Variants in GULP1 observed in about 807,000 individuals in gnomAD.
GULP1 encodes GULP PTB domain containing engulfment adaptor 1, also known as PTB domain-containing engulfment adapter protein 1.
GULP1 carries 19 observed loss-of-function variants against 40.9 expected under a neutral mutation model. The ratio of observed to expected loss-of-function variants is 0.46; its 90% CI spans 0.32 to 0.68. GULP1 has a LOEUF of 0.68. Ranked by LOEUF, GULP1 falls within the 30% of genes least tolerant of loss-of-function variation. The pLI, the probability that GULP1 is intolerant of heterozygous loss-of-function variation, is 0.03. For synonymous variants in GULP1, 119 were observed against 117.6 expected (o/e 1.01, Z -0.08); for missense variants, 312 against 362.2 (o/e 0.86, Z 1.12).
At chr2:188,357,915 A>T (rs1376311326) in intron 1 of GULP1, among the ~76,000 whole-genome samples, 4 of 152,226 alleles carry the variant, frequency 2.6e-5, no homozygotes, top group Non-Finnish European at 5.9e-5. Flanking sequence ...ACAGTGGCTC[A>T]CACCTGTAAT....
chr2:188,315,269 A>G lies in GULP1; in HGVS notation c.-172+23103A>G, dbSNP rs2038890441. ...ACTTTTATTACAGTATGTTGTTGTA[A>G]TTGTTCTTTTATATTAGTTATTGTT... is the stretch of plus-strand genomic sequence containing the variant. On this transcript the variant is annotated intron_variant, in intron 1 of 11. Coordinates refer to ENST00000409830, the MANE Select transcript of GULP1 (RefSeq NM_016315.4). Among the ~76,000 whole-genome samples the G allele has an allele frequency of 3.9e-5, 6 of 152,218 alleles. 1 individual carries two copies. In the South Asian group the frequency reaches 1.0e-3, roughly 26 times the overall value.
intron 4 of GULP1, chr2:188,491,711 A>G (rs2062407610): frequency 6.6e-6 from 1 of 152,114 alleles, no homozygotes; most frequent in Non-Finnish European, 1.5e-5. Context: ...AAGACAAACT[A>G]AGATTTCTAT....
chr2:188,367,921 G>T (rs1416318087), intron 1 of GULP1, among the ~76,000 whole-genome samples: 1 of 152,144 alleles, frequency 6.6e-6, no homozygotes, highest in Non-Finnish European at 1.5e-5. Flanking sequence ...GGAAAATAAG[G>T]ACATGGTGAT....
intron 4 of GULP1, among the ~76,000 whole-genome samples, chr2:188,514,040 A>AGTGAGTGTGT (rs1553577816): frequency 8.1e-6 from 1 of 123,074 alleles, no homozygotes; most frequent in Admixed American, 8.8e-5. Context: ...TCCCCTTCTG[A>AGTGAGTGTGT]GTGTGTGTGT....
chr2:188,368,409 C>T (rs2047094270), intron 1 of GULP1, among the ~76,000 whole-genome samples: 1 of 151,868 alleles, frequency 6.6e-6, no homozygotes, highest in Non-Finnish European at 1.5e-5. Context: ...GGTGAAACCT[C>T]ATCTCTACTA....
rs375306081 is a variant in GULP1 at position 188,546,542 on chromosome 2, A to G, written c.399+5224A>G. On this transcript the variant is annotated intron_variant, in intron 7 of 11. Transcript: ENST00000409830. ...TAAAAATGAAGTAGAGCGTATCAAC[A>G]TTTGTGTGATATAACTAAAGCAGTG... is the stretch of plus-strand genomic sequence containing the variant. Among the ~76,000 whole-genome samples the G allele has an allele frequency of 2.0e-5, 3 of 152,170 alleles. No individual in the cohort carries two copies. In the South Asian group the frequency reaches 6.2e-4, roughly 32 times the overall value.
rs1429612206 is a variant in GULP1, at chr2:188,541,227, A to G, written c.308A>G (p.Asp103Gly). 1.2e-6 allele frequency: 2 copies of G among 1,611,062 alleles called. No individual in the cohort carries two copies. Among genetic ancestry groups the G allele is most frequent in the Non-Finnish European group, 8.5e-7 (1 of 1,177,356 alleles). ...CTTCATAGAATATCTTTTTGTGCAGATGATAAAACTGACAAGAGGATATTC... is the reference window on the plus strand; with the variant it reads ...CTTCATAGAATATCTTTTTGTGCAGGTGATAAAACTGACAAGAGGATATTC... Reference protein sequence around the residue: ...CQLHRISFCADDKTDKRIFTF... With the variant: ...CQLHRISFCAGDKTDKRIFTF... The change falls in exon 7 of 12, where the codon GAT becomes GGT. Residue 103 changes from aspartate to glycine, a missense_variant. Coordinates refer to ENST00000409830, the MANE Select transcript of GULP1 (RefSeq NM_016315.4).
At chr2:188,522,703 G>A (rs377316780) in intron 4 of GULP1, 53 bp from the exon 5 acceptor site, 3 of 1,032,892 alleles carry the variant, frequency 2.9e-6, no homozygotes, top group Non-Finnish European at 3.1e-6. Context: ...TCAACATGAT[G>A]CAATGATATA....
rs565127034 is a variant in GULP1 at position 188,411,366 on chromosome 2, G to A, written c.-45+27477G>A. On this transcript the variant is annotated intron_variant, in intron 2 of 11. Coordinates refer to ENST00000409830, the MANE Select transcript of GULP1 (RefSeq NM_016315.4). ...TGTTGGTCTCTGCTGCTGACAAATTGGGCACTCAGTGGTGGCCATAGCCAG... is the reference window on the plus strand; with the variant it reads ...TGTTGGTCTCTGCTGCTGACAAATTAGGCACTCAGTGGTGGCCATAGCCAG... 3.3e-5 allele frequency among the ~76,000 whole-genome samples: 5 copies of A among 152,222 alleles called. No individual in the cohort carries two copies. In the South Asian group the frequency reaches 1.0e-3, roughly 32 times the overall value.
intron 1 of GULP1, among the ~76,000 whole-genome samples, chr2:188,360,583 T>C (rs1242393756): frequency 6.6e-6 from 1 of 152,120 alleles, no homozygotes; most frequent in Non-Finnish European, 1.5e-5. Context: ...TAATTGTCAA[T>C]GTTGACTAAG....
At chr2:188,548,827 G>GGTTTT (rs146982832) in intron 7 of GULP1, among the ~76,000 whole-genome samples, 123,151 of 149,424 alleles carry the variant, frequency 0.82, 51,352 homozygotes, top group South Asian at 0.95. Flanking sequence ...GGGGAAAGAA[G>GGTTTT]GTTTTGTTTT....
chr2:188,589,802 C>T, intron 11 of GULP1: 1 of 966,594 alleles, frequency 1.0e-6, no homozygotes, highest in Non-Finnish European at 1.5e-6. Flanking sequence ...ATTTTTAAAG[C>T]TGAAACCTTA....
At position 188,366,627 on chromosome 2, in the gene GULP1, C is replaced by A. The variant is rs376055375; in HGVS notation, c.-171-17136C>A. On this transcript the variant is annotated intron_variant, in intron 1 of 11. Coordinates refer to ENST00000409830, the MANE Select transcript of GULP1 (RefSeq NM_016315.4). ...TTTTTTTTTGAGATGGAGTCTCGCT[C>A]TGTTGCCCAGGCTGGAGTGCAGTGG... Among the ~76,000 whole-genome samples, 11 of 121,930 alleles carry A rather than the reference C, an allele frequency of 9.0e-5. No homozygotes were observed. In the East Asian group the frequency reaches 1.8e-3, roughly 20 times the overall value. 80.0% of individuals were successfully genotyped at this position (121,930 alleles called of 152,430 possible). A position where few individuals can be genotyped will look rare whatever the true frequency, so the allele number is the denominator to read the frequency against.
rs1400265226 is a variant in GULP1 at position 188,562,262 on chromosome 2, T to C, written c.400-6977T>C. Among the ~76,000 whole-genome samples, 7 of 152,244 alleles carry C rather than the reference T, an allele frequency of 4.6e-5. No individual in the cohort carries two copies. The East Asian group carries it at 1.2e-3, about 25-fold the overall frequency. On this transcript the variant is annotated intron_variant, in intron 7 of 11. Coordinates refer to ENST00000409830, the MANE Select transcript of GULP1 (RefSeq NM_016315.4). ...ATTTTAGTTTCAGGAGTTGGGAGCA[T>C]TGAGGGGCTGTCCCTTGACCAGGGT...
At chr2:188,441,880 T>C (rs114545162) in intron 2 of GULP1, among the ~76,000 whole-genome samples, 380 of 152,218 alleles carry the variant, frequency 2.5e-3, no homozygotes, top group African/African-American at 8.1e-3. Flanking sequence ...ATGCAACAGA[T>C]CTAAAATGGC....
intron 2 of GULP1, among the ~76,000 whole-genome samples, chr2:188,447,041 T>C (rs2058451219): frequency 6.6e-6 from 1 of 152,144 alleles, no homozygotes; most frequent in Non-Finnish European, 1.5e-5. Context: ...GAGACATCAA[T>C]CAAATACATT....
intron 7 of GULP1, among the ~76,000 whole-genome samples, chr2:188,561,071 G>A (rs1344102442): frequency 6.6e-6 from 1 of 152,178 alleles, no homozygotes; most frequent in African/African-American, 2.4e-5. Flanking sequence ...CATTTCCTTG[G>A]AGGGTTAGTT....
intron 2 of GULP1, among the ~76,000 whole-genome samples, chr2:188,433,384 G>A (rs2057094054): frequency 6.6e-6 from 1 of 152,088 alleles, no homozygotes; most frequent in Non-Finnish European, 1.5e-5. Flanking sequence ...CGGACAGTCC[G>A]GTTTCTCGAG....
chr2:188,456,442 G>C (rs999315002), intron 2 of GULP1, among the ~76,000 whole-genome samples: 1 of 152,176 alleles, frequency 6.6e-6, no homozygotes, highest in Non-Finnish European at 1.5e-5. Context: ...GTAGAGCTTG[G>C]ACTGTGGCTT....
Sources: allele counts gnomAD v4.1 joint callset (sites outside exome capture counted in the v4.1 genomes callset), GRCh38; gene constraint gnomAD v4.1.1; transcripts MANE v1.5; gene names NCBI Gene and HGNC (gene_info 2026-07-23, HGNC 2026-07-21).